Variants in PTPN4 observed in about 807,000 individuals in gnomAD.
PTPN4 encodes the protein protein tyrosine phosphatase non-receptor type 4, also known as tyrosine-protein phosphatase non-receptor type 4.
A neutral mutation model predicts 135.5 loss-of-function variants in PTPN4; 49 were observed. The ratio of observed to expected loss-of-function variants is 0.36; its 90% confidence interval spans 0.29 to 0.46. The LOEUF is 0.46. PTPN4 is among the 20% of genes least tolerant of loss of function. PTPN4 has a pLI of 1.00. For missense variants in PTPN4, 860 were observed against 1,101.0 expected (o/e 0.78, Z 3.10); for synonymous variants, 333 against 369.9 (o/e 0.90, Z 1.14).
chr2:119,856,820 A>G (rs913616968), intron 2 of PTPN4, among the ~76,000 whole-genome samples: 1 of 152,218 alleles, frequency 6.6e-6, no homozygotes, highest in Non-Finnish European at 1.5e-5. Flanking sequence ...TTCTCTGTCC[A>G]ATATTGTACC....
In PTPN4 at chr2:119,984,604, T is replaced by G. The variant is rs1436934698; in HGVS notation, c.*7534T>G. Among the ~76,000 whole-genome samples, 4 of 152,220 alleles carry G rather than the reference T, an allele frequency of 2.6e-5. No homozygotes were observed. The highest frequency in any genetic ancestry group is 9.6e-5 in the African/African-American group (4 of 41,462). Reference sequence around the variant, plus strand: ...TCACTCTGCATTTGTCACTGCAGCTTACTGTATGCTTGAAAGGCCTTGTGT... The same window carrying G: ...TCACTCTGCATTTGTCACTGCAGCTGACTGTATGCTTGAAAGGCCTTGTGT... On this transcript the variant is annotated 3_prime_UTR_variant, in exon 27 of 27. Coordinates refer to ENST00000263708, the MANE Select transcript of PTPN4 (RefSeq NM_002830.4).
intron 12 of PTPN4, among the ~76,000 whole-genome samples, chr2:119,924,254 C>CTT (rs201398761): frequency 1.3e-5 from 2 of 150,680 alleles, no homozygotes; most frequent in African/African-American, 4.9e-5. Context: ...ATCTTTTTTC[C>CTT]TTTTTTTTAA....
chr2:119,952,470 C>T (rs1312867604), intron 19 of PTPN4, among the ~76,000 whole-genome samples: 1 of 152,164 alleles, frequency 6.6e-6, no homozygotes, highest in African/African-American at 2.4e-5. Context: ...TCATTCAGGT[C>T]TCTGCTCAGA....
At position 119,965,077 on chromosome 2, in the gene PTPN4, G is replaced by A. The variant is rs562779027; in HGVS notation, c.2410-420G>A. On this transcript the variant is annotated intron_variant, in intron 24 of 26. Transcript: ENST00000263708. ...AGCAAGGGGCTGGGAAGTTAAGATCGTTGATTGGTTGGGATAAGGTGGATG... is the reference window on the plus strand; with the variant it reads ...AGCAAGGGGCTGGGAAGTTAAGATCATTGATTGGTTGGGATAAGGTGGATG... 2.1e-4 allele frequency among the ~76,000 whole-genome samples: 32 copies of A among 152,220 alleles called. No individual in the cohort carries two copies. In the East Asian group the frequency reaches 3.9e-3, roughly 18 times the overall value.
chr2:119,920,623 T>C (rs960205569), intron 12 of PTPN4, among the ~76,000 whole-genome samples: 4 of 152,246 alleles, frequency 2.6e-5, no homozygotes, highest in Non-Finnish European at 4.4e-5. Context: ...TTATTGTTTT[T>C]TAATTTAGAA....
chr2:119,873,361 G>C (rs1677941583), intron 3 of PTPN4, among the ~76,000 whole-genome samples: 1 of 152,078 alleles, frequency 6.6e-6, no homozygotes, highest in Admixed American at 6.6e-5. Context: ...ACATAGAAGT[G>C]CACCTCAATG....
chr2:119,861,911 G>C (rs886554522), intron 2 of PTPN4, among the ~76,000 whole-genome samples: 5 of 152,032 alleles, frequency 3.3e-5, no homozygotes, highest in Admixed American at 2.6e-4. Flanking sequence ...TGAGTACTTT[G>C]GCAATGAAAA....
At chr2:119,953,907 T>C (rs971017800) in intron 19 of PTPN4, among the ~76,000 whole-genome samples, 12 of 152,212 alleles carry the variant, frequency 7.9e-5, no homozygotes, top group African/African-American at 2.7e-4. Context: ...CTCATCCTTT[T>C]GCTTTATAGT....
chr2:119,775,841 ATATC>A (rs933454650), intron 1 of PTPN4, among the ~76,000 whole-genome samples: 8 of 151,552 alleles, frequency 5.3e-5, no homozygotes, highest in African/African-American at 9.7e-5. Flanking sequence ...CTATATCTAT[ATATC>A]TATCTATATA....
chr2:119,902,795 T>TGA (rs1678425166), intron 10 of PTPN4, among the ~76,000 whole-genome samples: 2 of 152,268 alleles, frequency 1.3e-5, no homozygotes, highest in South Asian at 4.1e-4. Flanking sequence ...CCTTCTTATA[T>TGA]GAGAGAGGCC....
chr2:119,822,407 G>A (rs1250402051), intron 2 of PTPN4, among the ~76,000 whole-genome samples: 1 of 140,074 alleles, frequency 7.1e-6, no homozygotes, highest in African/African-American at 2.7e-5. Flanking sequence ...TGCCCAGGCT[G>A]GAGTGCAGTG....
chr2:119,959,167 G>T (rs1444165810), intron 22 of PTPN4, among the ~76,000 whole-genome samples: 1 of 151,414 alleles, frequency 6.6e-6, no homozygotes, highest in Non-Finnish European at 1.5e-5. Context: ...ATAAATTTTA[G>T]CAAGTAGTCA....
chr2:119,776,349 G>A (rs1369786846), intron 1 of PTPN4, among the ~76,000 whole-genome samples: 1 of 152,030 alleles, frequency 6.6e-6, no homozygotes, highest in African/African-American at 2.4e-5. Flanking sequence ...CTAATTTTTT[G>A]TGTTTTTAGT....
intron 1 of PTPN4, among the ~76,000 whole-genome samples, chr2:119,772,039 ATAT>A (rs1285131905): frequency 6.6e-6 from 1 of 152,230 alleles, no homozygotes; most frequent in Non-Finnish European, 1.5e-5. Context: ...TTTTAAGATA[ATAT>A]TATTTTTGTG....
In PTPN4 at chr2:119,927,357, C is replaced by T. The variant is rs145573683; in HGVS notation, c.1070+691C>T. 7.9e-3 allele frequency among the ~76,000 whole-genome samples: 1,208 copies of T among 152,036 alleles called. 35 individuals are homozygous for T. The East Asian group carries it at 0.084, about 11-fold the overall frequency. On this transcript the variant is annotated intron_variant, in intron 13 of 26. Coordinates refer to ENST00000263708, the MANE Select transcript of PTPN4 (RefSeq NM_002830.4). ...AACTCGTGACCTCAGGTGATCCCCC[C>T]CACCTTGGCCTCCCAAAGTGCTGGC... is the stretch of plus-strand genomic sequence containing the variant.
At chr2:119,808,693 C>T (rs1691526994) in intron 1 of PTPN4, among the ~76,000 whole-genome samples, 1 of 152,120 alleles carries the variant, frequency 6.6e-6, no homozygotes, top group Non-Finnish European at 1.5e-5. Context: ...GTTGGGATTA[C>T]AGTCATGAGC....
rs546300458 is a variant in PTPN4, at chr2:119,973,218, G to A, written c.2695-3766G>A. Among the ~76,000 whole-genome samples the A allele has an allele frequency of 5.9e-5, 9 of 151,364 alleles. No individual in the cohort carries two copies. The South Asian group carries it at 1.9e-3, about 32-fold the overall frequency. On this transcript the variant is annotated intron_variant, in intron 26 of 26. Coordinates refer to ENST00000263708, the MANE Select transcript of PTPN4 (RefSeq NM_002830.4). ...ACCATTCTACTTTCTGTTCCTATGAGTTTGACTACTCTAGATACTTTACGT... is the reference window on the plus strand; with the variant it reads ...ACCATTCTACTTTCTGTTCCTATGAATTTGACTACTCTAGATACTTTACGT...
chr2:119,798,853 A>G (rs921059890), intron 1 of PTPN4, among the ~76,000 whole-genome samples: 4 of 152,182 alleles, frequency 2.6e-5, no homozygotes, highest in Non-Finnish European at 5.9e-5. Flanking sequence ...GTGTCAGACT[A>G]ATTTATTCAC....
Position 119,983,971 on chromosome 2 carries a change from A to G in PTPN4, c.*6901A>G, listed in dbSNP as rs1574432746. 6.6e-6 allele frequency among the ~76,000 whole-genome samples: 1 copy of G among 152,190 alleles called. No individual in the cohort carries two copies. The highest frequency in any genetic ancestry group is 1.5e-5 in the Non-Finnish European group (1 of 68,022). ...ATGCTGCACAAGTAAGTTTAAGGGA[A>G]TAAAAGTCCCGACACTTTATATACA... On this transcript the variant is annotated 3_prime_UTR_variant, in exon 27 of 27. Coordinates refer to ENST00000263708, the MANE Select transcript of PTPN4 (RefSeq NM_002830.4).
Sources: allele counts gnomAD v4.1 joint callset (sites outside exome capture counted in the v4.1 genomes callset), GRCh38; gene constraint gnomAD v4.1.1; transcripts MANE v1.5; gene names NCBI Gene and HGNC (gene_info 2026-07-23, HGNC 2026-07-21).